Variants in GLIS1 observed in about 807,000 individuals in gnomAD.
The protein encoded by GLIS1 is zinc finger protein GLIS1.
Under a neutral mutation model 63.8 loss-of-function variants are expected in GLIS1, and 24 were observed. The ratio of observed to expected loss-of-function variants is 0.38; its 90% CI spans 0.27 to 0.53. The LOEUF (loss-of-function observed/expected upper bound fraction) is 0.53. Ranked by LOEUF, GLIS1 falls within the 20% of genes least tolerant of loss-of-function variation. The pLI is 0.85. For synonymous variants in GLIS1, 450 were observed against 482.5 expected, an observed-to-expected ratio of 0.93 and a Z score of 0.88; for missense variants, 1,036 against 1,074.1, an observed-to-expected ratio of 0.96 and a Z score of 0.50.
At position 53,594,620 on chromosome 1, in the gene GLIS1, T is replaced by C. The variant is rs553588378; in HGVS notation, c.808A>G (p.Thr270Ala). Residue 270 changes from threonine (T) to alanine (A), a missense_variant, in exon 4 of 11, where the codon ACG becomes GCG. By Grantham distance (58) the Thr-to-Ala change is moderately conservative. Coordinates refer to ENST00000628545, the MANE Select transcript of GLIS1 (RefSeq NM_001367484.1). ...DVTSIIRSSQ[T>A]SLVTCVNGLR... ...CCATTTACACAGGTGACCAGAGACG[T>C]CTGGGAGGAGCGGATGATGGAGGTG... 8.3e-6 allele frequency: 13 copies of C among 1,569,812 alleles called. No individual in the cohort carries two copies. Among genetic ancestry groups the C allele is most frequent in the Admixed American group, 1.8e-5 (1 of 56,214 alleles).
At chr1:53,621,501 T>C (rs1398061959) in intron 2 of GLIS1, among the ~76,000 whole-genome samples, 5 of 152,262 alleles carry the variant, frequency 3.3e-5, no homozygotes, top group African/African-American at 1.2e-4. Context: ...AAAATCAATG[T>C]GTCAAATGAC....
chr1:53,714,648 T>C (rs890180048), intron 2 of GLIS1, among the ~76,000 whole-genome samples: 1 of 152,242 alleles, frequency 6.6e-6, no homozygotes, highest in Admixed American at 6.5e-5. Context: ...AATGCATTTT[T>C]TCCTACAAAT....
chr1:53,515,401 C>T (rs1363618799), intron 7 of GLIS1, among the ~76,000 whole-genome samples: 2 of 152,024 alleles, frequency 1.3e-5, no homozygotes, highest in Non-Finnish European at 2.9e-5. Context: ...GATGACTGCA[C>T]TAGCTGAGTG....
chr1:53,578,038 G>C (rs765920751), intron 4 of GLIS1, among the ~76,000 whole-genome samples: 3 of 152,044 alleles, frequency 2.0e-5, no homozygotes, highest in Non-Finnish European at 4.4e-5. Context: ...CATCCCCTGA[G>C]CACCTCCTTA....
At chr1:53,723,247 T>G (rs1240544417) in intron 2 of GLIS1, among the ~76,000 whole-genome samples, 1 of 151,388 alleles carries the variant, frequency 6.6e-6, no homozygotes, top group Non-Finnish European at 1.5e-5. Flanking sequence ...TACTTTTTTT[T>G]TTTTTTGAGC....
intron 2 of GLIS1, among the ~76,000 whole-genome samples, chr1:53,618,025 G>A (rs933852214): frequency 1.3e-5 from 2 of 152,266 alleles, no homozygotes; most frequent in African/African-American, 4.8e-5. Flanking sequence ...CCCCAGGGAA[G>A]GTGAGCAGGC....
intron 4 of GLIS1, among the ~76,000 whole-genome samples, chr1:53,579,132 C>T (rs1267828046): frequency 1.3e-5 from 2 of 151,622 alleles, no homozygotes; most frequent in Non-Finnish European, 2.9e-5. Context: ...TATACCAATG[C>T]TGTCATAAAA....
chr1:53,720,928 G>A (rs1646747758), intron 2 of GLIS1, among the ~76,000 whole-genome samples: 1 of 151,726 alleles, frequency 6.6e-6, no homozygotes, highest in African/African-American at 2.4e-5. Context: ...AGCCCGGAAG[G>A]TCCAGGCTGC....
chr1:53,533,542 G>A (rs545984014), intron 4 of GLIS1, among the ~76,000 whole-genome samples: 1 of 152,342 alleles, frequency 6.6e-6, no homozygotes, highest in East Asian at 1.9e-4. Context: ...GGGGTATAAT[G>A]AGCAGCTGGC....
rs184420428 is a variant in GLIS1, at chr1:53,704,331, C to T, written c.259+33475G>A. Among the ~76,000 whole-genome samples, 274 of 152,366 alleles carry T rather than the reference C, an allele frequency of 1.8e-3. 2 individuals carry two copies. The highest frequency in any genetic ancestry group is 0.016 in the Admixed American group (246 of 15,302). On this transcript the variant is annotated intron_variant, in intron 2 of 10. Transcript: ENST00000628545. ...CAATTTATGGCAGGAATAAGGCAGG[C>T]ATTAGCAATCCTGTCTTACAGATGA...
At chr1:53,677,016 G>A (rs566394503) in intron 2 of GLIS1, among the ~76,000 whole-genome samples, 11 of 152,164 alleles carry the variant, frequency 7.2e-5, no homozygotes, top group Admixed American at 2.6e-4. Flanking sequence ...ACTGCATGAC[G>A]TGACATACAC....
chr1:53,683,921 C>G (rs1234258725), intron 2 of GLIS1, among the ~76,000 whole-genome samples: 19 of 152,150 alleles, frequency 1.2e-4, no homozygotes, highest in Admixed American at 1.2e-3. Context: ...CTGACCCACC[C>G]CGCCTGCCAG....
chr1:53,666,114 C>A (rs2100379577), intron 2 of GLIS1, among the ~76,000 whole-genome samples: 1 of 152,308 alleles, frequency 6.6e-6, no homozygotes, highest in South Asian at 2.1e-4. Context: ...TGAAGCCAGG[C>A]TTTGAACCTG....
intron 3 of GLIS1, 70 bp downstream of exon 3, chr1:53,600,031 G>T: frequency 1.1e-6 from 1 of 874,140 alleles, no homozygotes; most frequent in Non-Finnish European, 1.5e-6. Flanking sequence ...AAAAAGAGGA[G>T]GTGAGGCCTG....
chr1:53,621,388 G>A (rs1447053646), intron 2 of GLIS1, among the ~76,000 whole-genome samples: 1 of 152,210 alleles, frequency 6.6e-6, no homozygotes, highest in Non-Finnish European at 1.5e-5. Flanking sequence ...CCTGCCTGGC[G>A]CCTATGTGGG....
chr1:53,610,700 T>A lies in GLIS1; in HGVS notation c.260-10422A>T, dbSNP rs567073200. 2.0e-5 allele frequency among the ~76,000 whole-genome samples: 3 copies of A among 152,342 alleles called. No homozygotes were observed. In the East Asian group the frequency reaches 5.8e-4, roughly 29 times the overall value. On this transcript the variant is annotated intron_variant, in intron 2 of 10. Coordinates refer to ENST00000628545, the MANE Select transcript of GLIS1 (RefSeq NM_001367484.1). ...TGAGGTTCACAGGAATTCTTAAATA[T>A]GTGTCACAACGTCTTCTGTCAGTTT...
intron 4 of GLIS1, among the ~76,000 whole-genome samples, chr1:53,549,102 C>T (rs777663272): frequency 9.9e-5 from 15 of 152,234 alleles, no homozygotes; most frequent in Non-Finnish European, 1.0e-4. Flanking sequence ...CATGCTGTCA[C>T]ATGTGTCGAT....
intron 4 of GLIS1, among the ~76,000 whole-genome samples, chr1:53,549,413 T>C (rs1381884247): frequency 6.6e-6 from 1 of 152,224 alleles, no homozygotes; most frequent in Non-Finnish European, 1.5e-5. Context: ...AGAGTTCCAC[T>C]TTCTCCACCT....
Position 53,592,918 on chromosome 1 carries a change from G to A in GLIS1, c.1320+1190C>T, listed in dbSNP as rs192034032. ...AGCTCCACAGGTAGGTGGGGCCCAA[G>A]GGCAAGCACCTTGCCCCAGGAGGAC... On this transcript the variant is annotated intron_variant, in intron 4 of 10. Transcript: ENST00000628545. Among the ~76,000 whole-genome samples, 241 of 152,368 alleles carry A rather than the reference G, an allele frequency of 1.6e-3. 2 individuals carry two copies. Among genetic ancestry groups the A allele is most frequent in the Non-Finnish European group, 2.6e-3 (178 of 68,034 alleles).
Sources: gnomAD v4.1 joint callset for allele counts (sites outside exome capture counted in the v4.1 genomes callset) on GRCh38, gnomAD v4.1.1 for gene constraint, MANE v1.5 for transcripts, NCBI Gene and HGNC (gene_info 2026-07-23, HGNC 2026-07-21) for gene names.